The following DTNB variants were observed in gnomAD, a reference collection of about 807,000 sequenced individuals.
The protein encoded by DTNB is DTN-B.
A neutral mutation model predicts 90.7 loss-of-function variants in DTNB; 63 were observed. The observed-to-expected ratio is 0.69, with a 90% CI of 0.57 to 0.86. DTNB has a LOEUF of 0.86. Among genes scored for constraint, DTNB ranks in the 40% least tolerant of loss-of-function variants. The pLI, the probability that DTNB is intolerant of heterozygous loss-of-function variation, is 0.00. For missense variants in DTNB, 744 were observed against 807.1 expected, an observed-to-expected ratio of 0.92 and a Z score of 0.95; for synonymous variants, 277 against 286.7, an observed-to-expected ratio of 0.97 and a Z score of 0.34.
intron 19 of DTNB, 144 bp from the exon 20 acceptor site, chr2:25,379,467 C>T (rs923324836): frequency 5.5e-6 from 6 of 1,085,742 alleles, no homozygotes; most frequent in African/African-American, 3.3e-5. Context: ...ACTTTTCCCA[C>T]CCAGGTATGA....
chr2:25,413,075 G>A (rs549159086), intron 16 of DTNB, among the ~76,000 whole-genome samples: 2 of 152,044 alleles, frequency 1.3e-5, no homozygotes, highest in Non-Finnish European at 2.9e-5. Flanking sequence ...GCATTTTATA[G>A]ATTATTATCT....
chr2:25,490,628 G>T (rs938473206), intron 9 of DTNB, among the ~76,000 whole-genome samples: 1 of 152,024 alleles, frequency 6.6e-6, no homozygotes, highest in Non-Finnish European at 1.5e-5. Flanking sequence ...ATAAGGAAAG[G>T]AAAAGTAAAC....
At chr2:25,615,629 C>T (rs886949815) in intron 4 of DTNB, among the ~76,000 whole-genome samples, 2 of 152,142 alleles carry the variant, frequency 1.3e-5, no homozygotes, top group Admixed American at 6.5e-5. Context: ...CTCAGGAACC[C>T]GGGCAGCGAT....
intron 16 of DTNB, among the ~76,000 whole-genome samples, chr2:25,408,310 CA>C (rs944874942): frequency 7.1e-4 from 92 of 129,768 alleles, no homozygotes; most frequent in Admixed American, 7.0e-4. Flanking sequence ...ACTCTGTCTC[CA>C]AAAAAAAAAA....
intron 8 of DTNB, among the ~76,000 whole-genome samples, chr2:25,569,954 G>A (rs1218605439): frequency 3.9e-5 from 6 of 151,906 alleles, no homozygotes; most frequent in African/African-American, 1.2e-4. Flanking sequence ...AAAATCAGCC[G>A]AGCGTGGTGG....
chr2:25,448,730 TG>T (rs1354861002), intron 12 of DTNB, among the ~76,000 whole-genome samples: 1 of 151,920 alleles, frequency 6.6e-6, no homozygotes, highest in Non-Finnish European at 1.5e-5. Context: ...GGCGGGCACC[TG>T]TAGTCCCAGC....
chr2:25,494,505 G>C (rs2150498626), intron 9 of DTNB, among the ~76,000 whole-genome samples: 1 of 151,710 alleles, frequency 6.6e-6, no homozygotes, highest in Non-Finnish European at 1.5e-5. Context: ...GGGTGGTTGG[G>C]AGAGGAACTT....
At chr2:25,649,642 C>A (rs2080403299) in intron 2 of DTNB, among the ~76,000 whole-genome samples, 1 of 152,064 alleles carries the variant, frequency 6.6e-6, no homozygotes, top group African/African-American at 2.4e-5. Context: ...TCAATTGAGC[C>A]CTGGAGGTTG....
At chr2:25,615,086 A>G (rs901008088) in intron 4 of DTNB, among the ~76,000 whole-genome samples, 5 of 152,222 alleles carry the variant, frequency 3.3e-5, no homozygotes, top group African/African-American at 1.2e-4. Context: ...TTAGTTTGCT[A>G]GACTGGCTCA....
At chr2:25,588,524 G>A (rs1022357710) in intron 6 of DTNB, among the ~76,000 whole-genome samples, 3 of 151,990 alleles carry the variant, frequency 2.0e-5, no homozygotes, top group African/African-American at 7.3e-5. Flanking sequence ...CGCACCACGC[G>A]CAGCTAATTT....
rs1415239255 is a variant in DTNB at position 25,422,151 on chromosome 2, G to A, written c.1555-2616C>T. Among the ~76,000 whole-genome samples, 13 of 152,154 alleles carry A rather than the reference G, an allele frequency of 8.5e-5. No individual in the cohort carries two copies. In the East Asian group the frequency reaches 9.6e-4, roughly 11 times the overall value. On this transcript the variant is annotated intron_variant, in intron 15 of 20. Transcript: ENST00000406818. ...ACTGATGACAAGGGATAGAGCCAAC[G>A]TGATTTAAAAGGGGGTAATACCTTA...
At chr2:25,567,889 G>A (rs978347226) in intron 8 of DTNB, among the ~76,000 whole-genome samples, 3 of 152,184 alleles carry the variant, frequency 2.0e-5, no homozygotes, top group South Asian at 2.1e-4. Context: ...GGCTGGGCGC[G>A]GTGGCTGACG....
chr2:25,487,584 G>C (rs1037028540), intron 9 of DTNB, among the ~76,000 whole-genome samples: 1 of 152,150 alleles, frequency 6.6e-6, no homozygotes, highest in East Asian at 1.9e-4. Flanking sequence ...CACAGATGAA[G>C]ATCAGGTACT....
intron 8 of DTNB, among the ~76,000 whole-genome samples, chr2:25,539,200 C>T (rs115968335): frequency 0.014 from 2,093 of 152,272 alleles, 23 homozygotes; most frequent in Non-Finnish European, 0.021. Context: ...ATTCACAATG[C>T]TGTTGTAACT....
intron 11 of DTNB, among the ~76,000 whole-genome samples, chr2:25,454,573 T>A (rs2059728523): frequency 6.6e-6 from 1 of 152,198 alleles, no homozygotes; most frequent in Non-Finnish European, 1.5e-5. Flanking sequence ...TTACCTGTCA[T>A]CCTACTTGAA....
chr2:25,432,935 CA>C lies in DTNB; in HGVS notation c.1407del (p.Glu470ArgfsTer16). ...AGCGTGGGGTTCTGCTGTGCCTTCT[CA>C]GGGGTGGGCTGGGAGGCCTGCTCGT... ...LEHEQASQPT[P>X]EKAQQNPTLL... On this transcript the variant is annotated frameshift_variant, in exon 14 of 21. Transcript: ENST00000406818. LOFTEE classifies it high-confidence loss of function. 1 of 1,611,168 alleles carries C rather than the reference CA, an allele frequency of 6.2e-7. No homozygotes were observed. The highest frequency in any genetic ancestry group is 8.5e-7 in the Non-Finnish European group (1 of 1,179,344).
At chr2:25,634,471 G>A (rs1311469773) in intron 3 of DTNB, among the ~76,000 whole-genome samples, 5 of 150,918 alleles carry the variant, frequency 3.3e-5, no homozygotes, top group African/African-American at 1.2e-4. Context: ...CGCCCCGTCG[G>A]GGAGGTGAGG....
chr2:25,587,941 A>G (rs953125031), intron 6 of DTNB, among the ~76,000 whole-genome samples: 1 of 152,164 alleles, frequency 6.6e-6, no homozygotes, highest in African/African-American at 2.4e-5. Context: ...GCACTCAGCC[A>G]ATTTAACTAA....
chr2:25,472,346 G>A (rs562322538), intron 10 of DTNB, among the ~76,000 whole-genome samples: 1 of 152,316 alleles, frequency 6.6e-6, no homozygotes, highest in East Asian at 1.9e-4. Context: ...GAAAAGGATG[G>A]GGAGGTCCTT....
Sources: allele counts gnomAD v4.1 joint callset (sites outside exome capture counted in the v4.1 genomes callset), GRCh38; gene constraint gnomAD v4.1.1; transcripts MANE v1.5; gene names NCBI Gene and HGNC (gene_info 2026-07-23, HGNC 2026-07-21).